Variants in IQGAP2 observed in about 807,000 individuals in gnomAD.
IQGAP2 encodes IQ motif containing GTPase activating protein 2.
A neutral mutation model predicts 201.3 loss-of-function variants in IQGAP2; 173 were observed. That is an observed-to-expected ratio of 0.86 (90% CI 0.76 to 0.98). IQGAP2 has a LOEUF of 0.98. Ranked by LOEUF, IQGAP2 falls within the 50% of genes least tolerant of loss-of-function variation. IQGAP2 has a pLI of 0.00. For missense variants in IQGAP2, 1,687 were observed against 1,864.8 expected (o/e 0.90, Z 1.76); for synonymous variants, 675 against 673.9 (o/e 1.00, Z -0.03).
chr5:76,605,347 G>A (rs1016881259), intron 11 of IQGAP2, among the ~76,000 whole-genome samples: 1 of 152,116 alleles, frequency 6.6e-6, no homozygotes, highest in African/African-American at 2.4e-5. Context: ...GGGTGAGAGG[G>A]CCATTTTTAA....
Position 76,641,046 on chromosome 5 carries a change from G to A in IQGAP2, c.2037G>A (p.Glu679=), listed in dbSNP as rs147514296. 3.3e-5 allele frequency: 53 copies of A among 1,609,700 alleles called. No individual in the cohort carries two copies. The African/African-American group carries it at 6.7e-4, about 20-fold the overall frequency. The change falls in exon 17 of 36, where the codon GAG becomes GAA. Residue 679 remains glutamate (E), a synonymous_variant. Transcript: ENST00000274364. ...ATSSGPILRE[E]FEARKSFLHE... is the part of the protein sequence containing the mutation. ...GCTCAGGACCCATCCTTAGGGAAGAGTTTGAAGCTAGAAAATCATTTTTGC... is the reference window on the plus strand; with the variant it reads ...GCTCAGGACCCATCCTTAGGGAAGAATTTGAAGCTAGAAAATCATTTTTGC...
At chr5:76,673,152 G>A (rs1744502178) in intron 24 of IQGAP2, among the ~76,000 whole-genome samples, 1 of 152,046 alleles carries the variant, frequency 6.6e-6, no homozygotes, top group South Asian at 2.1e-4. Context: ...TTATTTTTCT[G>A]TAATGAACAT....
chr5:76,512,656 C>T (rs1303284012), intron 2 of IQGAP2, among the ~76,000 whole-genome samples: 1 of 152,186 alleles, frequency 6.6e-6, no homozygotes, highest in Non-Finnish European at 1.5e-5. Context: ...TGGAAGTTTA[C>T]AGATTTTTAG....
chr5:76,441,802 CT>C (rs1192526368), intron 1 of IQGAP2, among the ~76,000 whole-genome samples: 2 of 152,182 alleles, frequency 1.3e-5, no homozygotes, highest in Admixed American at 6.5e-5. Context: ...AGAAATCCCC[CT>C]GTGCCATCCA....
chr5:76,421,259 T>C (rs1396005847), intron 1 of IQGAP2, among the ~76,000 whole-genome samples: 1 of 152,096 alleles, frequency 6.6e-6, no homozygotes, highest in South Asian at 2.1e-4. Flanking sequence ...GATTACCTCC[T>C]GGGAGGTCAT....
intron 17 of IQGAP2, among the ~76,000 whole-genome samples, chr5:76,651,082 T>C (rs1324671645): frequency 2.6e-5 from 4 of 152,154 alleles, no homozygotes; most frequent in Non-Finnish European, 2.9e-5. Flanking sequence ...TCACCATCTA[T>C]GCTTTCTTTG....
intron 10 of IQGAP2, 72 bp downstream of exon 10, chr5:76,597,674 A>C: frequency 6.7e-7 from 1 of 1,496,346 alleles, no homozygotes; most frequent in Non-Finnish European, 9.3e-7. Context: ...AAGCCTAGTT[A>C]GGAAAGGGGA....
intron 27 of IQGAP2, among the ~76,000 whole-genome samples, chr5:76,675,288 A>C (rs982802501): frequency 1.3e-5 from 2 of 152,182 alleles, no homozygotes; most frequent in African/African-American, 4.8e-5. Context: ...GCCAATTTCA[A>C]ACTTGAGTAT....
At chr5:76,432,128 C>CTTCTTTTTTTT (rs747351875) in intron 1 of IQGAP2, among the ~76,000 whole-genome samples, 1 of 95,322 alleles carries the variant, frequency 1.0e-5, no homozygotes, top group Non-Finnish European at 2.0e-5. Context: ...TTTCTTTCTT[C>CTTCTTTTTTTT]TTTTTTTTTT....
rs151095614 is a variant in IQGAP2 at position 76,468,511 on chromosome 5, T to C, written c.146+6842T>C. Among the ~76,000 whole-genome samples the C allele has an allele frequency of 6.6e-4, 101 of 152,312 alleles. 1 individual carries two copies. Among genetic ancestry groups the C allele is most frequent in the African/African-American group, 2.4e-3 (98 of 41,574 alleles). On this transcript the variant is annotated intron_variant, in intron 2 of 35. Transcript: ENST00000274364. ...CCTAAACAGCTCTCATATGTTCACC[T>C]CTCTATCCCACCACTGCTAGCCCGC...
intron 1 of IQGAP2, among the ~76,000 whole-genome samples, chr5:76,430,713 C>T (rs1005474866): frequency 6.6e-6 from 1 of 152,170 alleles, no homozygotes; most frequent in African/African-American, 2.4e-5. Context: ...TAAGCCATTT[C>T]ATGCTACACC....
chr5:76,453,700 G>A (rs766101581), intron 1 of IQGAP2, among the ~76,000 whole-genome samples: 1 of 152,146 alleles, frequency 6.6e-6, no homozygotes, highest in Non-Finnish European at 1.5e-5. Context: ...TTTCTATGGG[G>A]CATTAAAGTT....
In IQGAP2 at chr5:76,697,301, A is replaced by G. The variant is rs184563434; in HGVS notation, c.4207-686A>G. 7.6e-4 allele frequency among the ~76,000 whole-genome samples: 116 copies of G among 152,380 alleles called. 3 individuals are homozygous for G. In the South Asian group the frequency reaches 0.012, roughly 15 times the overall value. On this transcript the variant is annotated intron_variant, in intron 32 of 35. Transcript: ENST00000274364. ...ATTTTAAAAATGAATTTAACAATTA[A>G]ATGTAAACTTTTTTAGTTTAAAGTA...
intron 2 of IQGAP2, among the ~76,000 whole-genome samples, chr5:76,467,173 G>T (rs1356238562): frequency 6.6e-6 from 1 of 152,170 alleles, no homozygotes; most frequent in Non-Finnish European, 1.5e-5. Context: ...AATTGCTTGA[G>T]CCTGGGAGGT....
chr5:76,437,571 C>T (rs1179102618), intron 1 of IQGAP2, among the ~76,000 whole-genome samples: 2 of 152,142 alleles, frequency 1.3e-5, no homozygotes, highest in Non-Finnish European at 2.9e-5. Flanking sequence ...GTTCCCCTTC[C>T]TGTGTCCATG....
chr5:76,598,182 A>G (rs931302922), intron 10 of IQGAP2, among the ~76,000 whole-genome samples: 6 of 152,262 alleles, frequency 3.9e-5, no homozygotes, highest in African/African-American at 1.4e-4. Flanking sequence ...CAAGGCTCGT[A>G]TTTCAAGAAG....
chr5:76,567,942 C>T (rs1317572948), intron 3 of IQGAP2, among the ~76,000 whole-genome samples: 2 of 152,132 alleles, frequency 1.3e-5, no homozygotes, highest in Non-Finnish European at 2.9e-5. Context: ...GTATGGATAA[C>T]AGCAACCCTT....
intron 13 of IQGAP2, among the ~76,000 whole-genome samples, chr5:76,622,371 G>T (rs553323042): frequency 2.6e-4 from 39 of 152,226 alleles, no homozygotes; most frequent in African/African-American, 9.2e-4. Context: ...AACCGCTCAG[G>T]GATTCCAAAT....
At chr5:76,662,335 C>A (rs1447492601) in intron 21 of IQGAP2, among the ~76,000 whole-genome samples, 1 of 152,182 alleles carries the variant, frequency 6.6e-6, no homozygotes, top group African/African-American at 2.4e-5. Flanking sequence ...CATTATCCTG[C>A]CTTCACCAAC....
Sources: allele counts gnomAD v4.1 joint callset (sites outside exome capture counted in the v4.1 genomes callset), GRCh38; gene constraint gnomAD v4.1.1; transcripts MANE v1.5; gene names NCBI Gene and HGNC (gene_info 2026-07-23, HGNC 2026-07-21).